The following RANBP9 variants were observed in gnomAD, a reference collection of about 807,000 sequenced individuals.
The protein encoded by RANBP9 is RAN binding protein 9.
In RANBP9, 15 loss-of-function variants were observed where a neutral mutation model predicts 84.3. The ratio of observed to expected loss-of-function variants is 0.18; its 90% CI spans 0.12 to 0.27. The LOEUF (loss-of-function observed/expected upper bound fraction) is 0.27, where lower values mean the gene tolerates loss of function less well. Among genes scored for constraint, RANBP9 ranks in the 10% least tolerant of loss-of-function variants. The probability of loss-of-function intolerance (pLI) is 1.00; values close to 1 mark genes in which losing one functional copy is unlikely to be tolerated. For synonymous variants in RANBP9, 392 were observed against 349.6 expected (o/e 1.12, Z -1.35); for missense variants, 809 against 912.8 (o/e 0.89, Z 1.46).
At chr6:13,687,043 A>G (rs769175341) in intron 2 of RANBP9, among the ~76,000 whole-genome samples, 4 of 152,208 alleles carry the variant, frequency 2.6e-5, no homozygotes, top group South Asian at 2.1e-4. Context: ...TAAAAAATTC[A>G]TAAGTACATG....
chr6:13,706,188 CA>C (rs1758114782), intron 1 of RANBP9, among the ~76,000 whole-genome samples: 1 of 151,690 alleles, frequency 6.6e-6, no homozygotes, highest in African/African-American at 2.4e-5. Context: ...ACTAAAAATA[CA>C]AAAAATTAGC....
At chr6:13,700,923 T>G (rs1757952664) in intron 1 of RANBP9, among the ~76,000 whole-genome samples, 1 of 152,196 alleles carries the variant, frequency 6.6e-6, no homozygotes, top group African/African-American at 2.4e-5. Context: ...TCCTGTTACT[T>G]TTAGCGCATT....
Position 13,635,487 on chromosome 6 carries a change from T to C in RANBP9, c.1674-935A>G, listed in dbSNP as rs371696453. Among the ~76,000 whole-genome samples the C allele has an allele frequency of 5.7e-4, 86 of 150,108 alleles. 4 individuals carry two copies. The South Asian group carries it at 0.018, about 31-fold the overall frequency. ...CATTTCTCATTACAAAAGCAATATA[T>C]ATTCAATTGTAGAAAAAAAAACACA... On this transcript the variant is annotated intron_variant, in intron 10 of 13. Coordinates refer to ENST00000011619, the MANE Select transcript of RANBP9 (RefSeq NM_005493.3).
intron 1 of RANBP9, among the ~76,000 whole-genome samples, chr6:13,699,501 A>G (rs1011896676): frequency 3.9e-5 from 6 of 152,158 alleles, no homozygotes; most frequent in Non-Finnish European, 5.9e-5. Context: ...AGATTTTACA[A>G]TATTTGTGCA....
At chr6:13,652,515 G>C in intron 5 of RANBP9, 144 bp downstream of exon 5, 1 of 747,908 alleles carries the variant, frequency 1.3e-6, no homozygotes, top group Non-Finnish European at 2.0e-6. Context: ...GGTGGTTAGA[G>C]AAAAGATCTC....
intron 5 of RANBP9, 69 bp downstream of exon 5, chr6:13,652,590 T>C (rs1765320519): frequency 7.4e-7 from 1 of 1,356,186 alleles, no homozygotes. Flanking sequence ...TTTCTAAATA[T>C]GCCCAGTATC....
intron 4 of RANBP9, among the ~76,000 whole-genome samples, chr6:13,655,678 A>G (rs1031700284): frequency 5.3e-5 from 8 of 152,166 alleles, no homozygotes; most frequent in Non-Finnish European, 8.8e-5. Flanking sequence ...TCTTCTCTGG[A>G]AAGTTTAAAA....
chr6:13,671,671 A>C (rs943115931), intron 2 of RANBP9, among the ~76,000 whole-genome samples: 4 of 152,298 alleles, frequency 2.6e-5, no homozygotes, highest in Admixed American at 2.0e-4. Context: ...TTTTCAGGTG[A>C]CAAAAATGTT....
intron 12 of RANBP9, among the ~76,000 whole-genome samples, chr6:13,627,166 TC>T (rs1186863533): frequency 6.6e-6 from 1 of 152,186 alleles, no homozygotes; most frequent in East Asian, 1.9e-4. Flanking sequence ...GGAAGATAAT[TC>T]ATATGCCTGT....
chr6:13,640,704 G>C lies in RANBP9; in HGVS notation c.1334+495C>G, dbSNP rs1209492018. Among the ~76,000 whole-genome samples the C allele has an allele frequency of 2.6e-5, 4 of 152,166 alleles. No homozygotes were observed. The East Asian group carries it at 7.7e-4, about 29-fold the overall frequency. ...TTATATGGGTAGTCAAATTCATAGA[G>C]GCAAAATGTAGAATGGTGGTTTCCA... On this transcript the variant is annotated intron_variant, in intron 8 of 13. Transcript: ENST00000011619.
chr6:13,710,900 T>C, intron 1 of RANBP9, 35 bp downstream of exon 1: 2 of 1,562,348 alleles, frequency 1.3e-6, no homozygotes, highest in African/African-American at 1.4e-5. Context: ...GTCGGGTCAG[T>C]GCCCCACTCC....
At chr6:13,634,291 G>T in intron 11 of RANBP9, 140 bp downstream of exon 11, 2 of 987,760 alleles carry the variant, frequency 2.0e-6, no homozygotes, top group African/African-American at 1.6e-5. Context: ...GAGTTTAAGT[G>T]CTATGCATTA....
chr6:13,702,447 T>C (rs1471942523), intron 1 of RANBP9, among the ~76,000 whole-genome samples: 1 of 152,192 alleles, frequency 6.6e-6, no homozygotes, highest in East Asian at 1.9e-4. Context: ...ATTTTATTTG[T>C]TAAAATGTTA....
At chr6:13,697,125 A>C (rs961618858) in intron 1 of RANBP9, among the ~76,000 whole-genome samples, 1 of 152,238 alleles carries the variant, frequency 6.6e-6, no homozygotes, top group African/African-American at 2.4e-5. Context: ...AAGATTGCAG[A>C]ATCCAAATAT....
At chr6:13,676,647 T>A (rs989400257) in intron 2 of RANBP9, among the ~76,000 whole-genome samples, 1 of 151,848 alleles carries the variant, frequency 6.6e-6, no homozygotes, top group African/African-American at 2.4e-5. Context: ...ATTAAAATTT[T>A]AAAAAAAGAA....
chr6:13,661,190 G>C (rs1184518380), intron 2 of RANBP9, among the ~76,000 whole-genome samples: 1 of 152,212 alleles, frequency 6.6e-6, no homozygotes, highest in East Asian at 1.9e-4. Context: ...AGGGGAAAGA[G>C]AGAGGAGAAA....
Position 13,622,324 on chromosome 6 carries a change from T to C in RANBP9, c.*38A>G. 2 of 1,465,678 alleles carry C rather than the reference T, an allele frequency of 1.4e-6. No homozygotes were observed. Among genetic ancestry groups the C allele is most frequent in the Non-Finnish European group, 1.8e-6 (2 of 1,101,896 alleles). The allele number at this position is 1,465,678 out of a possible 1,614,324, so 90.8% of individuals were successfully genotyped here. A position where few individuals can be genotyped will look rare whatever the true frequency, so the allele number is the denominator to read the frequency against. On this transcript the variant is annotated 3_prime_UTR_variant, in exon 14 of 14. Coordinates refer to ENST00000011619, the MANE Select transcript of RANBP9 (RefSeq NM_005493.3). ...AGCTGGTCTACTTCCATGTTGACTATATGCCACAATATAAGTGTGAGCTCT... is the reference window on the plus strand; with the variant it reads ...AGCTGGTCTACTTCCATGTTGACTACATGCCACAATATAAGTGTGAGCTCT...
intron 2 of RANBP9, among the ~76,000 whole-genome samples, chr6:13,670,439 G>C (rs535374196): frequency 6.6e-6 from 1 of 152,290 alleles, no homozygotes; most frequent in African/African-American, 2.4e-5. Context: ...AAGTCTTTCT[G>C]ATAGTGGCTT....
In RANBP9 at chr6:13,703,099, A is replaced by G. The variant is rs542157397; in HGVS notation, c.572-6203T>C. ...ATGATCACCGCTGGCTACAGCCTCA[A>G]CTTCCTGGGTTCAAGCAGTCCTCCC... On this transcript the variant is annotated intron_variant, in intron 1 of 13. Coordinates refer to ENST00000011619, the MANE Select transcript of RANBP9 (RefSeq NM_005493.3). Among the ~76,000 whole-genome samples the G allele has an allele frequency of 2.0e-5, 3 of 152,246 alleles. 1 individual carries two copies. Among genetic ancestry groups the G allele is most frequent in the African/African-American group, 7.2e-5 (3 of 41,552 alleles).
Sources: allele counts gnomAD v4.1 joint callset (sites outside exome capture counted in the v4.1 genomes callset), GRCh38; gene constraint gnomAD v4.1.1; transcripts MANE v1.5; gene names NCBI Gene and HGNC (gene_info 2026-07-23, HGNC 2026-07-21).